The following RPS6KA2 variants were observed in gnomAD, a reference collection of about 807,000 sequenced individuals.
The protein encoded by RPS6KA2 is ribosomal protein S6 kinase A2.
In RPS6KA2, 42 loss-of-function variants were observed where a neutral mutation model predicts 91.8. The ratio of observed to expected loss-of-function variants is 0.46; its 90% CI spans 0.36 to 0.59. RPS6KA2 has a LOEUF of 0.59. RPS6KA2 is among the 20% of genes least tolerant of loss of function. RPS6KA2 has a pLI of 0.00. For missense variants in RPS6KA2, 798 were observed against 978.5 expected, an observed-to-expected ratio of 0.82 and a Z score of 2.46; for synonymous variants, 414 against 393.6, an observed-to-expected ratio of 1.05 and a Z score of -0.61.
chr6:166,420,854 G>A (rs975753030), intron 17 of RPS6KA2, among the ~76,000 whole-genome samples: 7 of 152,192 alleles, frequency 4.6e-5, no homozygotes, highest in Non-Finnish European at 8.8e-5. Context: ...CTTCAGTAGA[G>A]GGCAATCCTC....
At chr6:166,492,212 C>CATTAAAATG (rs901227496) in intron 8 of RPS6KA2, among the ~76,000 whole-genome samples, 10 of 152,214 alleles carry the variant, frequency 6.6e-5, no homozygotes, top group African/African-American at 2.4e-4. Flanking sequence ...TGTTCTGTCA[C>CATTAAAATG]ATTAAAATGT....
At chr6:166,646,635 C>T (rs898098396) in intron 2 of RPS6KA2, among the ~76,000 whole-genome samples, 3 of 152,252 alleles carry the variant, frequency 2.0e-5, no homozygotes, top group South Asian at 2.1e-4. Flanking sequence ...TTCTGGGCCA[C>T]GGTGCAGCTC....
chr6:166,702,672 C>A (rs3817828), intron 2 of RPS6KA2: 1 of 1,513,192 alleles, frequency 6.6e-7, no homozygotes. Flanking sequence ...TACCTGAAAG[C>A]GCCTCAATGG....
chr6:166,858,862 G>A (rs912247692), intron 1 of RPS6KA2, among the ~76,000 whole-genome samples: 3 of 152,216 alleles, frequency 2.0e-5, no homozygotes, highest in Non-Finnish European at 2.9e-5. Flanking sequence ...CCTGGGCCTC[G>A]GAGACATGGC....
At chr6:166,451,368 G>A (rs961225802) in intron 12 of RPS6KA2, 135 bp from the exon 13 acceptor site, 75 of 875,486 alleles carry the variant, frequency 8.6e-5, no homozygotes, top group African/African-American at 4.4e-4. Flanking sequence ...TGCACGTGGC[G>A]TATGCCTGTG....
intron 2 of RPS6KA2, among the ~76,000 whole-genome samples, chr6:166,754,930 A>G (rs1777965514): frequency 6.6e-6 from 1 of 152,118 alleles, no homozygotes; most frequent in African/African-American, 2.4e-5. Flanking sequence ...TGGGTCAGGA[A>G]TCTCAACTCT....
intron 2 of RPS6KA2, among the ~76,000 whole-genome samples, chr6:166,728,443 C>G (rs1267155203): frequency 6.6e-6 from 1 of 152,170 alleles, no homozygotes; most frequent in East Asian, 1.9e-4. Context: ...AAAGAGTCAC[C>G]CATGGGTACA....
intron 2 of RPS6KA2, among the ~76,000 whole-genome samples, chr6:166,673,048 C>T (rs981929311): frequency 6.6e-6 from 1 of 152,128 alleles, no homozygotes; most frequent in Non-Finnish European, 1.5e-5. Context: ...CCAGAGCTGC[C>T]CTTCCCTCCC....
chr6:166,528,439 A>T (rs1783141643), intron 3 of RPS6KA2, among the ~76,000 whole-genome samples: 1 of 151,820 alleles, frequency 6.6e-6, no homozygotes, highest in Non-Finnish European at 1.5e-5. Context: ...TAAAGACTTA[A>T]ATGTTAGACC....
At chr6:166,801,066 A>T (rs1779352839) in intron 2 of RPS6KA2, among the ~76,000 whole-genome samples, 1 of 152,218 alleles carries the variant, frequency 6.6e-6, no homozygotes, top group Non-Finnish European at 1.5e-5. Flanking sequence ...CAAAGAAAAA[A>T]ATTTAAACCA....
At chr6:166,413,038 C>G in intron 20 of RPS6KA2, 151 bp from the exon 21 acceptor site, 2 of 836,950 alleles carry the variant, frequency 2.4e-6, no homozygotes, top group Non-Finnish European at 3.5e-6. Flanking sequence ...GTGCTGTTAG[C>G]CTGCCGCCAG....
chr6:166,811,717 TAAG>T (rs1779643890), intron 2 of RPS6KA2, among the ~76,000 whole-genome samples: 2 of 152,252 alleles, frequency 1.3e-5, no homozygotes, highest in Admixed American at 1.3e-4. Context: ...CCTTTTAAAA[TAAG>T]TTCAAAACAG....
At position 166,770,769 on chromosome 6, in the gene RPS6KA2, T is replaced by C. The variant is rs939427441; in HGVS notation, c.123+87431A>G. Reference sequence around the variant, plus strand: ...TGGACTCCGGGCACCGTGAAACAACTCAATAAATTGAAAAAGACTTCATGT... The same window carrying C: ...TGGACTCCGGGCACCGTGAAACAACCCAATAAATTGAAAAAGACTTCATGT... On this transcript the variant is annotated intron_variant, in intron 2 of 21. Transcript: ENST00000503859. The surrounding 1 kb of genome is among the most constrained non-coding windows in gnomAD (Gnocchi z 5.1). 1 of 1,253,542 alleles carries C rather than the reference T, an allele frequency of 8.0e-7. No homozygotes were observed. Among genetic ancestry groups the C allele is most frequent in the East Asian group, 2.3e-5 (1 of 42,944 alleles). The allele number at this position is 1,253,542 out of a possible 1,614,324, so 77.7% of individuals were successfully genotyped here. A position where few individuals can be genotyped will look rare whatever the true frequency, so the allele number is the denominator to read the frequency against.
In RPS6KA2 at chr6:166,423,398, T is replaced by A. The variant is rs1326649327; in HGVS notation, c.1601A>T (p.Lys534Met). The change falls in exon 17 of 21, where the codon AAG becomes ATG. Residue 534 changes from lysine to methionine, a missense_variant. By Grantham distance (95) the Lys-to-Met change is moderately conservative (BLOSUM62 -1). Coordinates refer to ENST00000265678, the MANE Select transcript of RPS6KA2 (RefSeq NM_021135.6). This position sits in a 1 kb window ranked among gnomAD's most constrained non-coding sequence, Gnocchi z 4.8. Reference sequence around the variant, plus strand: ...ATCCCTGTACAGGATGTTACTCGGCTTCAGGTCTCGATGAACAACCTGCAA... The same window carrying A: ...ATCCCTGTACAGGATGTTACTCGGCATCAGGTCTCGATGAACAACCTGCAA... ...HSQGVVHRDLKPSNILYRDES... is the reference protein window; with the variant it reads ...HSQGVVHRDLMPSNILYRDES... The A allele has an allele frequency of 4.5e-5, 73 of 1,610,806 alleles. No individual in the cohort carries two copies. The highest frequency in any genetic ancestry group is 6.2e-5 in the Non-Finnish European group (73 of 1,177,424).
In RPS6KA2 at chr6:166,505,822, C is replaced by G. The variant is rs907970847; in HGVS notation, c.460-1210G>C. Among the ~76,000 whole-genome samples, 4 of 152,222 alleles carry G rather than the reference C, an allele frequency of 2.6e-5. 1 individual carries two copies. The highest frequency in any genetic ancestry group is 2.6e-4 in the Admixed American group (4 of 15,288). ...CCGGATGTATGTTTCTTTTCTAGAT[C>G]GGTTAAGGTGCTCAGTGGACTGACT... On this transcript the variant is annotated intron_variant, in intron 5 of 20. Coordinates refer to ENST00000265678, the MANE Select transcript of RPS6KA2 (RefSeq NM_021135.6).
At chr6:166,690,457 C>T (rs1789170615) in intron 2 of RPS6KA2, among the ~76,000 whole-genome samples, 1 of 152,234 alleles carries the variant, frequency 6.6e-6, no homozygotes, top group Non-Finnish European at 1.5e-5. Context: ...CAGTCTGAGC[C>T]ACCTGCGTGG....
At chr6:166,607,583 A>G (rs1393022132) in intron 1 of RPS6KA2, among the ~76,000 whole-genome samples, 1 of 152,194 alleles carries the variant, frequency 6.6e-6, no homozygotes, top group East Asian at 1.9e-4. Context: ...AACTCTACGG[A>G]GACAGAAAGT....
At chr6:166,745,864 T>G (rs1034788076) in intron 2 of RPS6KA2, among the ~76,000 whole-genome samples, 1 of 152,182 alleles carries the variant, frequency 6.6e-6, no homozygotes, top group African/African-American at 2.4e-5. Context: ...CCATCGTCTC[T>G]ACAACTGGTG....
At chr6:166,688,373 A>AT (rs1789089052) in intron 2 of RPS6KA2, among the ~76,000 whole-genome samples, 1 of 152,110 alleles carries the variant, frequency 6.6e-6, no homozygotes, top group Non-Finnish European at 1.5e-5. Flanking sequence ...CTCGTGTCCC[A>AT]CCTGCCCGGC....
Sources: allele counts gnomAD v4.1 joint callset (sites outside exome capture counted in the v4.1 genomes callset), GRCh38; gene constraint gnomAD v4.1.1; non-coding constraint Gnocchi (gnomAD v3.1); transcripts MANE v1.5; gene names NCBI Gene and HGNC (gene_info 2026-07-23, HGNC 2026-07-21).